Variants in EPHA6 observed in about 807,000 individuals in gnomAD.
EPHA6 encodes the protein EPH receptor A6, also known as ephrin type-A receptor 6.
Under a neutral mutation model 112.0 loss-of-function variants are expected in EPHA6, and 50 were observed. That is an observed-to-expected ratio of 0.45 (90% CI 0.36 to 0.56). The LOEUF is 0.56. Ranked by LOEUF, EPHA6 falls within the 20% of genes least tolerant of loss-of-function variation. The pLI, the probability that EPHA6 is intolerant of heterozygous loss-of-function variation, is 0.00. For synonymous variants in EPHA6, 529 were observed against 490.7 expected (o/e 1.08, Z -1.03); for missense variants, 1,280 against 1,417.4 (o/e 0.90, Z 1.56).
chr3:96,884,574 G>T (rs891037575), intron 2 of EPHA6, among the ~76,000 whole-genome samples: 1 of 152,160 alleles, frequency 6.6e-6, no homozygotes, highest in Non-Finnish European at 1.5e-5. Context: ...CATTAATCTT[G>T]TATCCAGGAA....
At chr3:97,247,353 C>CTGG (rs1386928593) in intron 5 of EPHA6, among the ~76,000 whole-genome samples, 3 of 151,820 alleles carry the variant, frequency 2.0e-5, no homozygotes, top group Non-Finnish European at 4.4e-5. Flanking sequence ...ACCTTAAAGT[C>CTGG]TGGTGGGAGG....
intron 2 of EPHA6, among the ~76,000 whole-genome samples, chr3:96,872,618 G>C (rs1224512727): frequency 6.6e-6 from 1 of 151,974 alleles, no homozygotes; most frequent in Non-Finnish European, 1.5e-5. Flanking sequence ...AGGTTGGTGG[G>C]CTTTAACAAA....
intron 15 of EPHA6, among the ~76,000 whole-genome samples, chr3:97,725,084 A>T (rs1265388467): frequency 6.6e-6 from 1 of 152,154 alleles, no homozygotes; most frequent in African/African-American, 2.4e-5. Flanking sequence ...GAAACTAAGA[A>T]GGTGGTCCAG....
At chr3:97,697,492 G>T (rs2033115873) in intron 14 of EPHA6, among the ~76,000 whole-genome samples, 1 of 152,156 alleles carries the variant, frequency 6.6e-6, no homozygotes, top group South Asian at 2.1e-4. Context: ...ATGCTTCTTA[G>T]TCCGTCATGA....
At chr3:96,852,846 G>T (rs1055199034) in intron 1 of EPHA6, among the ~76,000 whole-genome samples, 1 of 152,042 alleles carries the variant, frequency 6.6e-6, no homozygotes, top group African/African-American at 2.4e-5. Flanking sequence ...CAGCTAATAA[G>T]ATATTCTTAT....
chr3:96,905,465 C>G (rs539970856), intron 2 of EPHA6, among the ~76,000 whole-genome samples: 2 of 150,670 alleles, frequency 1.3e-5, no homozygotes, highest in South Asian at 4.2e-4. Context: ...TATGAAAATA[C>G]AGATTTTAAA....
Position 97,392,890 on chromosome 3 carries a change from C to A in EPHA6, c.1607-12260C>A, listed in dbSNP as rs116298074. On this transcript the variant is annotated intron_variant, in intron 5 of 17. Coordinates refer to ENST00000389672, the MANE Select transcript of EPHA6 (RefSeq NM_001080448.3). ...GTTGAGGAAATCAGAAATCAGCTGA[C>A]GCCCAGAAGTTACAAACCATATTCA... Among the ~76,000 whole-genome samples, 1,254 of 151,638 alleles carry A rather than the reference C, an allele frequency of 8.3e-3. 14 individuals are homozygous for A. The highest frequency in any genetic ancestry group is 0.027 in the African/African-American group (1,115 of 41,436).
At chr3:96,892,366 G>A (rs1383406168) in intron 2 of EPHA6, among the ~76,000 whole-genome samples, 3 of 151,884 alleles carry the variant, frequency 2.0e-5, no homozygotes, top group Non-Finnish European at 2.9e-5. Context: ...GACTACAGGT[G>A]TCTACCACCA....
chr3:96,955,862 T>C (rs2041736511), intron 2 of EPHA6, among the ~76,000 whole-genome samples: 1 of 152,324 alleles, frequency 6.6e-6, no homozygotes, highest in South Asian at 2.1e-4. Flanking sequence ...AAAGCATTAC[T>C]CACAAGTAGG....
At chr3:97,395,253 T>C (rs2086633899) in intron 5 of EPHA6, among the ~76,000 whole-genome samples, 1 of 151,644 alleles carries the variant, frequency 6.6e-6, no homozygotes. Flanking sequence ...ACAATATATA[T>C]TACCAATAAA....
chr3:97,034,280 G>A (rs976983850), intron 3 of EPHA6, among the ~76,000 whole-genome samples: 9 of 151,816 alleles, frequency 5.9e-5, no homozygotes, highest in Non-Finnish European at 1.2e-4. Flanking sequence ...GATGAATTTT[G>A]TACTTTCTGA....
chr3:97,162,817 G>A (rs1470110283), intron 3 of EPHA6, among the ~76,000 whole-genome samples: 1 of 152,098 alleles, frequency 6.6e-6, no homozygotes, highest in Admixed American at 6.6e-5. Context: ...CTTGACTTCT[G>A]TTCACTTGAC....
At chr3:97,611,354 G>A (rs2093718830) in intron 13 of EPHA6, among the ~76,000 whole-genome samples, 1 of 151,556 alleles carries the variant, frequency 6.6e-6, no homozygotes, top group Admixed American at 6.6e-5. Flanking sequence ...AAAGGGAGGA[G>A]GAATAAAACT....
chr3:97,009,713 C>T (rs1019099514), intron 3 of EPHA6, among the ~76,000 whole-genome samples: 4 of 152,232 alleles, frequency 2.6e-5, no homozygotes, highest in African/African-American at 4.8e-5. Flanking sequence ...TGGGAAGCTA[C>T]GCCCCGGTGT....
chr3:97,306,600 A>G (rs1044982228), intron 5 of EPHA6, among the ~76,000 whole-genome samples: 3 of 151,866 alleles, frequency 2.0e-5, no homozygotes, highest in Non-Finnish European at 1.5e-5. Context: ...TTGTCTAGGT[A>G]TCTGCTTCTC....
rs2047274005 is a variant in EPHA6, at chr3:97,097,439, G to T, written c.1114+109446G>T. On this transcript the variant is annotated intron_variant, in intron 3 of 17. Transcript: ENST00000389672. ...TAAACAAAACAAAACAAAACACAAG[G>T]TTTTACATTGAAAGCATTGAATTTT... 4.6e-5 allele frequency among the ~76,000 whole-genome samples: 7 copies of T among 151,774 alleles called. No homozygotes were observed. The South Asian group carries it at 1.5e-3, about 31-fold the overall frequency.
intron 10 of EPHA6, among the ~76,000 whole-genome samples, chr3:97,522,149 T>C (rs771325475): frequency 2.0e-5 from 3 of 152,100 alleles, no homozygotes; most frequent in Non-Finnish European, 4.4e-5. Context: ...TTTCCTCAAG[T>C]GATCCTCCCA....
At chr3:97,248,909 T>C (rs2079056747) in intron 5 of EPHA6, among the ~76,000 whole-genome samples, 1 of 152,166 alleles carries the variant, frequency 6.6e-6, no homozygotes, top group Non-Finnish European at 1.5e-5. Context: ...TAATTAGGGA[T>C]AGTGTAAACA....
At chr3:97,466,896 C>G (rs1041474662) in intron 7 of EPHA6, among the ~76,000 whole-genome samples, 1 of 151,880 alleles carries the variant, frequency 6.6e-6, no homozygotes, top group South Asian at 2.1e-4. Context: ...TTCCTCAAGC[C>G]ACAGTGTCCA....
Sources: allele counts gnomAD v4.1 joint callset (sites outside exome capture counted in the v4.1 genomes callset), GRCh38; gene constraint gnomAD v4.1.1; transcripts MANE v1.5; gene names NCBI Gene and HGNC (gene_info 2026-07-23, HGNC 2026-07-21).